Variants in AP3B2 observed in about 807,000 individuals in gnomAD.
The protein encoded by AP3B2 is adaptor related protein complex 3 subunit beta 2.
AP3B2 carries 50 observed loss-of-function variants against 126.9 expected under a neutral mutation model. The observed-to-expected ratio is 0.39, with a 90% CI of 0.31 to 0.50. The LOEUF (loss-of-function observed/expected upper bound fraction) is 0.50. Among genes scored for constraint, AP3B2 ranks in the 20% least tolerant of loss-of-function variants. The pLI is 0.79. For synonymous variants in AP3B2, 541 were observed against 565.0 expected (o/e 0.96, Z 0.60); for missense variants, 1,177 against 1,426.4 (o/e 0.83, Z 2.82).
At position 82,665,269 on chromosome 15, in the gene AP3B2, C is replaced by G; in HGVS notation, c.2006G>C (p.Gly669Ala). The G allele has an allele frequency of 1.3e-6, 2 of 1,542,038 alleles. No homozygotes were observed. Among genetic ancestry groups the G allele is most frequent in the Non-Finnish European group, 1.7e-6 (2 of 1,150,232 alleles). ...EDLSLIETHV[G>A]LLGEYTEVPE... is the part of the protein sequence containing the mutation. ...GACCTCAGTGTATTCGCCCAACAGG[C>G]CCACGTGAGTCTCAATAAGGGAGAG... The change falls in exon 17 of 27, where the codon GGC becomes GCC. Residue 669 changes from glycine to alanine, a missense_variant. Physicochemically the swap from Gly to Ala is moderately conservative, Grantham distance 60 (BLOSUM62 0). This residue lies in a region of AP3B2 where 587 missense variants were observed against 571.3 expected (regional missense o/e 1.03). Transcript: ENST00000535359. This position sits in a 1 kb window ranked among gnomAD's most constrained non-coding sequence, Gnocchi z 4.4.
intron 4 of AP3B2, chr15:82,685,433 C>T (rs1010799901): frequency 2.6e-5 from 4 of 152,156 alleles, no homozygotes; most frequent in South Asian, 2.1e-4. Context: ...GTAGATATTA[C>T]CCTGACTTTC....
Position 82,665,638 on chromosome 15 carries a change from T to A in AP3B2, c.1853-63A>T. 7.3e-7 allele frequency: 1 copy of A among 1,362,382 alleles called. No individual in the cohort carries two copies. Among genetic ancestry groups the A allele is most frequent in the Non-Finnish European group, 1.0e-6 (1 of 960,976 alleles). The allele number at this position is 1,362,382 out of a possible 1,614,324, so 84.4% of individuals were successfully genotyped here. On this transcript the variant is annotated intron_variant, in intron 15 of 26. Transcript: ENST00000535359. The surrounding 1 kb of genome is among the most constrained non-coding windows in gnomAD (Gnocchi z 4.4). ...TGAGGGAAAGCTCTGGGAGCTGTTTTCCAGGTGGGGCTGGGTGGTGATTCT... is the reference window on the plus strand; with the variant it reads ...TGAGGGAAAGCTCTGGGAGCTGTTTACCAGGTGGGGCTGGGTGGTGATTCT...
intron 1 of AP3B2, 61 bp downstream of exon 1, chr15:82,709,533 G>A: frequency 7.1e-6 from 9 of 1,266,686 alleles, no homozygotes; most frequent in Non-Finnish European, 9.3e-6. Flanking sequence ...CATGGTGCCC[G>A]CGCGCCTCGC....
chr15:82,660,909 G>A (rs28559823), intron 25 of AP3B2, among the ~76,000 whole-genome samples: 1,660 of 152,172 alleles, frequency 0.011, 24 homozygotes, highest in African/African-American at 0.038. Flanking sequence ...TACTTGAGCC[G>A]TGGTCTCCCT....
At position 82,666,836 on chromosome 15, in the gene AP3B2, G is replaced by C; in HGVS notation, c.1763C>G (p.Pro588Arg). 1 of 1,614,032 alleles carries C rather than the reference G, an allele frequency of 6.2e-7. No homozygotes were observed. The highest frequency in any genetic ancestry group is 1.6e-4 in the Middle Eastern group (1 of 6,062). ...RARFTRQLIV[P>R]SEQGGALSRH... is the part of the protein sequence containing the mutation. ...GCTGAGGGCCCCACCCTGCTCGGAA[G>C]GGACGATGAGCTGCCGGGTGAAGCG... The change falls in exon 15 of 27, where the codon CCT becomes CGT. Residue 588 changes from proline (P) to arginine (R), a missense_variant. Pro to Arg is a moderately radical substitution (Grantham distance 103). Around this residue, in one of 5 missense-constraint regions of AP3B2, gnomAD observed 308 missense variants for 452.4 expected, o/e 0.68. Transcript: ENST00000535359.
chr15:82,679,375 C>T (rs911654012), intron 10 of AP3B2, among the ~76,000 whole-genome samples: 2 of 152,168 alleles, frequency 1.3e-5, no homozygotes, highest in South Asian at 2.1e-4. Flanking sequence ...CTGCCTGTCT[C>T]GGCCTCCCAA....
intron 14 of AP3B2, among the ~76,000 whole-genome samples, chr15:82,675,694 A>T (rs754754192): frequency 6.6e-6 from 1 of 152,230 alleles, no homozygotes; most frequent in Non-Finnish European, 1.5e-5. Flanking sequence ...TTGTAAATGA[A>T]TGAGCAGGGC....
intron 4 of AP3B2, chr15:82,687,715 G>A (rs2048454029): frequency 6.6e-6 from 1 of 152,218 alleles, no homozygotes; most frequent in Admixed American, 6.5e-5. Context: ...GTGGGCCCTG[G>A]ATTTGAGCAG....
chr15:82,688,434 TAG>T (rs748518616), intron 4 of AP3B2: 1 of 702,100 alleles, frequency 1.4e-6, no homozygotes, highest in Non-Finnish European at 2.6e-6. Flanking sequence ...TCTCCATTGC[TAG>T]AGACTCTCCA....
At chr15:82,679,268 C>T (rs2048290969) in intron 10 of AP3B2, among the ~76,000 whole-genome samples, 1 of 152,162 alleles carries the variant, frequency 6.6e-6, no homozygotes, top group East Asian at 1.9e-4. Flanking sequence ...GGATTACAGG[C>T]ACCTGCCACC....
chr15:82,666,925 C>T lies in AP3B2; in HGVS notation c.1674G>A (p.Leu558=). Residue 558 remains leucine (L), a synonymous_variant, in exon 15 of 27, where the codon CTG becomes CTA. Transcript: ENST00000535359. ...LYLTNSKQTK[L]LTQYVLSLAK... ...CCAGACTCAGCACATACTGGGTCAG[C>T]AGCTTGGTCTGGAGGAACAGGAAGA... 2 of 1,609,858 alleles carry T rather than the reference C, an allele frequency of 1.2e-6. No individual in the cohort carries two copies. Among genetic ancestry groups the T allele is most frequent in the Non-Finnish European group, 1.7e-6 (2 of 1,176,638 alleles).
At chr15:82,707,281 A>C (rs2048811479) in intron 1 of AP3B2, among the ~76,000 whole-genome samples, 1 of 152,150 alleles carries the variant, frequency 6.6e-6, no homozygotes, top group Admixed American at 6.5e-5. Context: ...CACCAACTTA[A>C]AAAGGACTGA....
intron 10 of AP3B2, among the ~76,000 whole-genome samples, chr15:82,678,900 G>A (rs1429585853): frequency 6.6e-6 from 1 of 152,198 alleles, no homozygotes; most frequent in Non-Finnish European, 1.5e-5. Context: ...CAAGGGTTAG[G>A]AAGATTAACT....
At chr15:82,693,585 A>C (rs2061195711) in intron 1 of AP3B2, among the ~76,000 whole-genome samples, 1 of 152,100 alleles carries the variant, frequency 6.6e-6, no homozygotes, top group Non-Finnish European at 1.5e-5. Flanking sequence ...ATTTCACCCC[A>C]AAATAAATCC....
Position 82,665,432 on chromosome 15 carries a change from C to CACACACTT in AP3B2, c.1971+24_1971+25insAAGTGTGT. 6.8e-7 allele frequency: 1 copy of CACACACTT among 1,466,332 alleles called. No individual in the cohort carries two copies. The allele number at this position is 1,466,332 out of a possible 1,614,324, so 90.8% of individuals were successfully genotyped here. ...ACACACACACACACACACACACACA[C>CACACACTT]ACTTCAACCCTCCACCCCGCTGACC... On this transcript the variant is annotated intron_variant, in intron 16 of 26. Transcript: ENST00000535359. The surrounding 1 kb of genome is among the most constrained non-coding windows in gnomAD (Gnocchi z 4.4).
intron 10 of AP3B2, among the ~76,000 whole-genome samples, chr15:82,678,426 T>G (rs751238193): frequency 5.3e-5 from 8 of 152,126 alleles, no homozygotes; most frequent in Non-Finnish European, 1.2e-4. Context: ...AACTTAAAGC[T>G]TCCTATTGCT....
intron 14 of AP3B2, among the ~76,000 whole-genome samples, chr15:82,675,165 CTT>C (rs766262310): frequency 3.2e-4 from 48 of 152,206 alleles, no homozygotes; most frequent in Non-Finnish European, 5.6e-4. Flanking sequence ...CCCCCTCTAA[CTT>C]CTCTCTCTCC....
At chr15:82,689,557 G>A (rs1596189926) in intron 1 of AP3B2, 104 bp from the exon 2 acceptor site, 1 of 1,089,436 alleles carries the variant, frequency 9.2e-7, no homozygotes, top group Non-Finnish European at 1.4e-6. Context: ...GGGAGGCTCA[G>A]GCAGGACCTG....
At chr15:82,709,221 T>C (rs1438530211) in intron 1 of AP3B2, among the ~76,000 whole-genome samples, 1 of 152,032 alleles carries the variant, frequency 6.6e-6, no homozygotes, top group East Asian at 1.9e-4. Flanking sequence ...GTTCGCTGAC[T>C]CAGACCCCTC....
Sources: allele counts gnomAD v4.1 joint callset (sites outside exome capture counted in the v4.1 genomes callset), GRCh38; gene constraint gnomAD v4.1.1; regional missense constraint gnomAD v4.1.1; non-coding constraint Gnocchi (gnomAD v3.1); transcripts MANE v1.5; gene names NCBI Gene and HGNC (gene_info 2026-07-23, HGNC 2026-07-21).